SLC38A6: variants seen among roughly 807,000 people sequenced by gnomAD.
SLC38A6 encodes the protein N system amino acid transporter NAT-1.
Under a neutral mutation model 65.0 loss-of-function variants are expected in SLC38A6, and 73 were observed. The ratio of observed to expected loss-of-function variants is 1.12; its 90% CI spans 0.93 to 1.37. The LOEUF (loss-of-function observed/expected upper bound fraction) is 1.37, where lower values mean the gene tolerates loss of function less well. SLC38A6 is among the 40% of genes most tolerant of loss of function. The probability of loss-of-function intolerance (pLI) is 0.00; values close to 1 mark genes in which losing one functional copy is unlikely to be tolerated. For missense variants in SLC38A6, 561 were observed against 531.1 expected (o/e 1.06, Z -0.55); for synonymous variants, 183 against 178.8 (o/e 1.02, Z -0.19).
At chr14:61,043,318 T>C in intron 9 of SLC38A6, 106 bp downstream of exon 9, 14 of 1,044,306 alleles carry the variant, frequency 1.3e-5, no homozygotes, top group Non-Finnish European at 2.0e-5. Context: ...ATGGCTATAT[T>C]GCATTTTAGA....
chr14:60,997,308 C>T (rs898374084), intron 3 of SLC38A6, among the ~76,000 whole-genome samples: 5 of 152,112 alleles, frequency 3.3e-5, no homozygotes, highest in Admixed American at 1.3e-4. Context: ...TGCACCACCA[C>T]ACCTGGCTAA....
chr14:61,022,342 A>G (rs1253563738), intron 5 of SLC38A6, among the ~76,000 whole-genome samples: 1 of 151,998 alleles, frequency 6.6e-6, no homozygotes, highest in Non-Finnish European at 1.5e-5. Flanking sequence ...TAGGAACCCT[A>G]GCCTTAAAAA....
Position 61,035,609 on chromosome 14 carries a change from A to C in SLC38A6, c.483-1450A>C, listed in dbSNP as rs533306549. Among the ~76,000 whole-genome samples, 33 of 152,276 alleles carry C rather than the reference A, an allele frequency of 2.2e-4. No individual in the cohort carries two copies. In the South Asian group the frequency reaches 5.6e-3, roughly 26 times the overall value. On this transcript the variant is annotated intron_variant, in intron 6 of 15. Coordinates refer to ENST00000267488, the MANE Select transcript of SLC38A6 (RefSeq NM_153811.3). ...TTTCCAAGAGATAGTACTAATTGGCACGATCACTAGCAATGTATGAAGTCC... is the reference window on the plus strand; with the variant it reads ...TTTCCAAGAGATAGTACTAATTGGCCCGATCACTAGCAATGTATGAAGTCC...
At chr14:61,006,821 G>A (rs1445400734) in intron 3 of SLC38A6, among the ~76,000 whole-genome samples, 1 of 152,090 alleles carries the variant, frequency 6.6e-6, no homozygotes, top group African/African-American at 2.4e-5. Context: ...TCCCATTACT[G>A]GGTATATACC....
chr14:61,041,065 T>G (rs1040757432), intron 8 of SLC38A6, among the ~76,000 whole-genome samples: 2 of 152,110 alleles, frequency 1.3e-5, no homozygotes, highest in African/African-American at 4.8e-5. Flanking sequence ...ACAACTTGAG[T>G]TGAGCCACAA....
chr14:61,030,144 A>C (rs1198667643), intron 5 of SLC38A6, among the ~76,000 whole-genome samples: 1 of 152,194 alleles, frequency 6.6e-6, no homozygotes, highest in Non-Finnish European at 1.5e-5. Flanking sequence ...ACAAAATTTC[A>C]TTTAAAAGTA....
At chr14:60,987,935 A>G (rs868244107) in intron 3 of SLC38A6, among the ~76,000 whole-genome samples, 4 of 152,198 alleles carry the variant, frequency 2.6e-5, no homozygotes, top group Non-Finnish European at 2.9e-5. Flanking sequence ...TGTGTTAGTC[A>G]TTTCAAGTAT....
chr14:61,010,808 A>G (rs2039503346), intron 3 of SLC38A6, among the ~76,000 whole-genome samples: 1 of 152,216 alleles, frequency 6.6e-6, no homozygotes, highest in Admixed American at 6.5e-5. Flanking sequence ...GTTTGAAGTC[A>G]GGTAGCGTGA....
intron 3 of SLC38A6, among the ~76,000 whole-genome samples, chr14:61,007,772 A>G (rs1250878350): frequency 2.6e-5 from 4 of 152,162 alleles, no homozygotes; most frequent in East Asian, 3.8e-4. Context: ...TACCTTCTCA[A>G]TGCCAAATTA....
chr14:61,066,799 A>T (rs2043032522), intron 15 of SLC38A6, among the ~76,000 whole-genome samples: 1 of 152,174 alleles, frequency 6.6e-6, no homozygotes, highest in Non-Finnish European at 1.5e-5. Flanking sequence ...ACTGTTAGTG[A>T]ACCCGTGCAG....
intron 3 of SLC38A6, chr14:61,004,560 T>C (rs1019338681): frequency 3.3e-4 from 50 of 152,098 alleles, no homozygotes; most frequent in Non-Finnish European, 5.6e-4. Context: ...TACAAACACC[T>C]CTACGCAAAT....
intron 4 of SLC38A6, among the ~76,000 whole-genome samples, chr14:61,016,215 A>T (rs928201618): frequency 1.3e-5 from 2 of 152,224 alleles, no homozygotes; most frequent in Non-Finnish European, 2.9e-5. Flanking sequence ...AATGACTTGA[A>T]TGACTTTAAA....
intron 15 of SLC38A6, among the ~76,000 whole-genome samples, chr14:61,071,614 T>C (rs2043229676): frequency 1.3e-5 from 2 of 151,906 alleles, no homozygotes; most frequent in African/African-American, 2.4e-5. Context: ...CCCAGGGAGG[T>C]TGAGGCTGCA....
intron 15 of SLC38A6, among the ~76,000 whole-genome samples, chr14:61,061,061 A>G (rs2042819676): frequency 6.6e-6 from 1 of 151,812 alleles, no homozygotes; most frequent in South Asian, 2.1e-4. Context: ...CTCAGATGGA[A>G]ATGCAGAAAT....
At chr14:61,038,815 A>G (rs554871421) in intron 8 of SLC38A6, among the ~76,000 whole-genome samples, 1 of 152,356 alleles carries the variant, frequency 6.6e-6, no homozygotes, top group South Asian at 2.1e-4. Context: ...GTTGAATTTA[A>G]CAACATTAAA....
intron 3 of SLC38A6, among the ~76,000 whole-genome samples, chr14:61,002,456 T>C (rs2038777598): frequency 1.3e-5 from 2 of 152,218 alleles, no homozygotes; most frequent in Admixed American, 1.3e-4. Flanking sequence ...GAATAACTCA[T>C]GTCCCTCAAC....
intron 5 of SLC38A6, among the ~76,000 whole-genome samples, chr14:61,022,498 T>A: frequency 7.3e-6 from 1 of 137,116 alleles, no homozygotes; most frequent in African/African-American, 3.0e-5. Context: ...TTTATTATAA[T>A]AAATAAGTTA....
chr14:61,040,698 C>T (rs1294768521), intron 8 of SLC38A6, among the ~76,000 whole-genome samples: 2 of 151,926 alleles, frequency 1.3e-5, no homozygotes, highest in Admixed American at 1.3e-4. Flanking sequence ...CCCAGGCTAG[C>T]CTTGAACTCC....
chr14:61,027,765 G>A lies in SLC38A6; in HGVS notation c.404-2680G>A, dbSNP rs550038261. On this transcript the variant is annotated intron_variant, in intron 5 of 15. Transcript: ENST00000267488. The stretch of plus-strand genomic sequence containing the variant: ...AGTGCTAGCTAGTTCTTACATGAAA[G>A]TTTACTTGTGATTAAGAAAAAAATA... Among the ~76,000 whole-genome samples the A allele has an allele frequency of 6.6e-5, 10 of 151,878 alleles. No homozygotes were observed. In the South Asian group the frequency reaches 2.1e-3, roughly 32 times the overall value.
Sources: gnomAD v4.1 joint callset for allele counts (sites outside exome capture counted in the v4.1 genomes callset) on GRCh38, gnomAD v4.1.1 for gene constraint, MANE v1.5 for transcripts, NCBI Gene and HGNC (gene_info 2026-07-23, HGNC 2026-07-21) for gene names.